The following HSF2BP variants were observed in gnomAD, a reference collection of about 807,000 sequenced individuals.
HSF2BP encodes heat shock factor 2-binding protein.
Under a neutral mutation model 35.0 loss-of-function variants are expected in HSF2BP, and 35 were observed. The observed-to-expected ratio is 1.00, with a 90% confidence interval of 0.76 to 1.32. The LOEUF (loss-of-function observed/expected upper bound fraction) is 1.32, where lower values mean the gene tolerates loss of function less well. Among genes scored for constraint, HSF2BP ranks in the 40% most tolerant of loss-of-function variants. The pLI, the probability that HSF2BP is intolerant of heterozygous loss-of-function variation, is 0.00. For synonymous variants in HSF2BP, 114 were observed against 117.4 expected (o/e 0.97, Z 0.18); for missense variants, 326 against 321.7 (o/e 1.01, Z -0.10).
At chr21:43,580,691 CA>C (rs1389447326) in intron 8 of HSF2BP, among the ~76,000 whole-genome samples, 4 of 152,198 alleles carry the variant, frequency 2.6e-5, no homozygotes, top group Non-Finnish European at 5.9e-5. Flanking sequence ...TGGGCTAACG[CA>C]AAACTATCAA....
intron 6 of HSF2BP, among the ~76,000 whole-genome samples, chr21:43,618,809 G>A (rs530434792): frequency 3.4e-4 from 51 of 151,786 alleles, no homozygotes; most frequent in Non-Finnish European, 6.2e-4. Flanking sequence ...AGCCAGGCGC[G>A]GTGGCAGGTG....
rs202091286 is a variant in HSF2BP, at chr21:43,630,474, A to G, written c.442-20T>C. The G allele has an allele frequency of 5.7e-4, 922 of 1,605,538 alleles. 5 individuals carry two copies. The highest frequency in any genetic ancestry group is 1.5e-3 in the Middle Eastern group (9 of 6,064). ...TTTATCCTGAAAGTTTGAAAATCAG[A>G]GTGTCATATCTTTTTACAGACACTA... On this transcript the variant is annotated intron_variant, in intron 5 of 8. Coordinates refer to ENST00000291560, the MANE Select transcript of HSF2BP (RefSeq NM_007031.2).
At position 43,619,968 on chromosome 21, in the gene HSF2BP, C is replaced by T. The variant is rs549033111; in HGVS notation, c.575-6021G>A. ...TATCCTCTTTGTGACCTCCCCCATT[C>T]GGGATGGGCAATACTCTGATGGTTC... On this transcript the variant is annotated intron_variant, in intron 6 of 8. Coordinates refer to ENST00000291560, the MANE Select transcript of HSF2BP (RefSeq NM_007031.2). 5.9e-5 allele frequency among the ~76,000 whole-genome samples: 9 copies of T among 152,312 alleles called. No individual in the cohort carries two copies. In the East Asian group the frequency reaches 1.3e-3, roughly 23 times the overall value.
At chr21:43,590,678 GACATGGATGGGTCTCAAAATCA>G (rs1054472052) in intron 8 of HSF2BP, among the ~76,000 whole-genome samples, 46 of 152,350 alleles carry the variant, frequency 3.0e-4, no homozygotes, top group Non-Finnish European at 2.1e-4. Flanking sequence ...CACATGGATA[GACATGGATGGGTCTCAAAATCA>G]ACATGGATGG....
intron 8 of HSF2BP, among the ~76,000 whole-genome samples, chr21:43,588,997 C>T (rs1262000187): frequency 6.6e-6 from 1 of 152,146 alleles, no homozygotes; most frequent in East Asian, 1.9e-4. Context: ...GTCTTACAGA[C>T]ACTGGCAGAA....
At chr21:43,616,630 G>A (rs1224799599) in intron 6 of HSF2BP, among the ~76,000 whole-genome samples, 2 of 150,472 alleles carry the variant, frequency 1.3e-5, no homozygotes, top group Non-Finnish European at 3.0e-5. Context: ...GAGACAGAGC[G>A]AAACTCTGTC....
chr21:43,629,003 A>G (rs2082422018), intron 6 of HSF2BP, among the ~76,000 whole-genome samples: 1 of 152,238 alleles, frequency 6.6e-6, no homozygotes, highest in Non-Finnish European at 1.5e-5. Flanking sequence ...CTTTCAAAAC[A>G]CTACTGTTCA....
At chr21:43,582,496 T>C (rs2081768061) in intron 8 of HSF2BP, among the ~76,000 whole-genome samples, 1 of 103,948 alleles carries the variant, frequency 9.6e-6, no homozygotes. Flanking sequence ...CTGAGGGAGA[T>C]GAAGGGCCTG....
intron 8 of HSF2BP, among the ~76,000 whole-genome samples, chr21:43,577,271 T>C (rs1451616925): frequency 1.3e-5 from 2 of 152,252 alleles, no homozygotes; most frequent in African/African-American, 2.4e-5. Context: ...TTATCACGCC[T>C]TCTTTATTTC....
intron 8 of HSF2BP, among the ~76,000 whole-genome samples, chr21:43,586,610 C>A (rs531179883): frequency 6.6e-6 from 1 of 152,156 alleles, no homozygotes; most frequent in African/African-American, 2.4e-5. Flanking sequence ...GGTAGAAATT[C>A]TCATTTTATA....
At chr21:43,646,067 C>T (rs1311753367) in intron 3 of HSF2BP, among the ~76,000 whole-genome samples, 1 of 150,244 alleles carries the variant, frequency 6.7e-6, no homozygotes, top group Non-Finnish European at 1.5e-5. Context: ...TGTGTAATTA[C>T]AGCACTTTGG....
intron 8 of HSF2BP, among the ~76,000 whole-genome samples, chr21:43,579,238 C>T (rs1028520547): frequency 3.3e-5 from 5 of 152,168 alleles, no homozygotes; most frequent in African/African-American, 1.2e-4. Context: ...ATCCTAAACA[C>T]CCAGATCCTT....
intron 7 of HSF2BP, chr21:43,609,946 C>G (rs1351985480): frequency 3.3e-5 from 5 of 152,320 alleles, no homozygotes; most frequent in African/African-American, 7.2e-5. Flanking sequence ...GACCCAAAGG[C>G]ACAGAGCTCC....
intron 3 of HSF2BP, among the ~76,000 whole-genome samples, chr21:43,647,266 GTC>G (rs990997886): frequency 6.6e-6 from 1 of 151,844 alleles, no homozygotes; most frequent in East Asian, 1.9e-4. Flanking sequence ...CCGAGACGGT[GTC>G]TCTCTGTCAG....
chr21:43,653,822 C>T (rs1029392001), intron 3 of HSF2BP, among the ~76,000 whole-genome samples: 3 of 152,102 alleles, frequency 2.0e-5, no homozygotes, highest in Admixed American at 6.5e-5. Flanking sequence ...GCTGATGATT[C>T]AGGATGCATC....
At chr21:43,596,904 A>AAAAAAAGAG (rs1555859800) in intron 7 of HSF2BP, among the ~76,000 whole-genome samples, 3 of 136,016 alleles carry the variant, frequency 2.2e-5, no homozygotes, top group African/African-American at 5.6e-5. Flanking sequence ...AAAAAAAAAA[A>AAAAAAAGAG]AGAGAATTTT....
intron 6 of HSF2BP, among the ~76,000 whole-genome samples, chr21:43,622,546 A>G (rs1239924559): frequency 6.6e-6 from 1 of 152,196 alleles, no homozygotes; most frequent in Non-Finnish European, 1.5e-5. Flanking sequence ...GACAAAATAG[A>G]CTACAAGTCA....
intron 6 of HSF2BP, among the ~76,000 whole-genome samples, chr21:43,619,082 G>A (rs918042390): frequency 1.3e-5 from 2 of 152,068 alleles, no homozygotes; most frequent in African/African-American, 4.8e-5. Flanking sequence ...TGAGTAGCTG[G>A]GACTACAGGC....
intron 6 of HSF2BP, among the ~76,000 whole-genome samples, chr21:43,615,693 T>A (rs1457101001): frequency 1.3e-5 from 2 of 152,196 alleles, no homozygotes; most frequent in Non-Finnish European, 2.9e-5. Flanking sequence ...CTTTGGTCAA[T>A]GAATTTTAAC....
Sources: allele counts gnomAD v4.1 joint callset (sites outside exome capture counted in the v4.1 genomes callset), GRCh38; gene constraint gnomAD v4.1.1; transcripts MANE v1.5; gene names NCBI Gene and HGNC (gene_info 2026-07-23, HGNC 2026-07-21).